MKX: variants seen among roughly 807,000 people sequenced by gnomAD.
MKX encodes mohawk homeobox.
MKX carries 13 observed loss-of-function variants against 36.0 expected under a neutral mutation model. The observed-to-expected ratio is 0.36, with a 90% CI of 0.24 to 0.57. The LOEUF (loss-of-function observed/expected upper bound fraction) is 0.57. Ranked by LOEUF, MKX falls within the 20% of genes least tolerant of loss-of-function variation. MKX has a pLI of 0.79. For synonymous variants in MKX, 176 were observed against 178.3 expected (o/e 0.99, Z 0.10); for missense variants, 458 against 456.4 (o/e 1.00, Z -0.03).
Position 27,744,711 on chromosome 10 carries a change from T to TACACACACACACACACAC in MKX, c.-83+978_-83+995dup. 1 of 142,524 alleles carries TACACACACACACACACAC rather than the reference T, an allele frequency of 7.0e-6. No individual in the cohort carries two copies. The highest frequency in any genetic ancestry group is 2.1e-4 in the East Asian group (1 of 4,718). 8.8% of individuals were successfully genotyped at this position (142,524 alleles called of 1,614,324 possible). On this transcript the variant is annotated intron_variant, in intron 1 of 6. Coordinates refer to ENST00000419761, the MANE Select transcript of MKX (RefSeq NM_173576.3). The surrounding 1 kb of genome is among the most constrained non-coding windows in gnomAD (Gnocchi z 5.6). Reference sequence around the variant, plus strand: ...CTCCACTAACACACGCGCGCGCGCATACACACACACACACACACACACACA... The same window carrying TACACACACACACACACAC: ...CTCCACTAACACACGCGCGCGCGCATACACACACACACACACACACACACACACACACACACACACACA...
intron 5 of MKX, among the ~76,000 whole-genome samples, chr10:27,675,848 A>G (rs149252589): frequency 2.0e-5 from 3 of 152,342 alleles, no homozygotes; most frequent in African/African-American, 7.2e-5. Flanking sequence ...GACAAACAGC[A>G]TAAGGAAAAG....
rs565996056 is a variant in MKX at position 27,712,336 on chromosome 10, C to T, written c.838+22120G>A. ...ATACACTACCATTTAATGTCCCAAA[C>T]GCCTTATAAGGAAGGTGAAGGGGAC... On this transcript the variant is annotated intron_variant, in intron 5 of 6. Transcript: ENST00000419761. Among the ~76,000 whole-genome samples, 16 of 152,144 alleles carry T rather than the reference C, an allele frequency of 1.1e-4. 1 individual carries two copies. Among genetic ancestry groups the T allele is most frequent in the Non-Finnish European group, 1.8e-4 (12 of 68,032 alleles).
intron 3 of MKX, among the ~76,000 whole-genome samples, chr10:27,740,497 C>T (rs1270390035): frequency 6.6e-6 from 1 of 152,154 alleles, no homozygotes; most frequent in Non-Finnish European, 1.5e-5. Flanking sequence ...GACACAACTG[C>T]CCCAAGTCTT....
chr10:27,700,377 A>G (rs1296304436), intron 5 of MKX, among the ~76,000 whole-genome samples: 1 of 152,208 alleles, frequency 6.6e-6, no homozygotes, highest in Non-Finnish European at 1.5e-5. Flanking sequence ...AGAACAGAAC[A>G]TGCATATAAA....
chr10:27,715,569 T>G (rs191328444), intron 5 of MKX, among the ~76,000 whole-genome samples: 1 of 152,198 alleles, frequency 6.6e-6, no homozygotes, highest in Non-Finnish European at 1.5e-5. Context: ...GATTTAGAAA[T>G]TCTGCCTTCA....
rs1834881043 is a variant in MKX, at chr10:27,741,026, AAAC to A, written c.348+316_348+318del. Reference sequence around the variant, plus strand: ...TCTCACCCCAGACCTGCTGAATCCGAAACTCGGAGGTGGGGCCTAGCGATTCGT... The same window carrying A: ...TCTCACCCCAGACCTGCTGAATCCGATCGGAGGTGGGGCCTAGCGATTCGT... On this transcript the variant is annotated intron_variant, in intron 3 of 6. Transcript: ENST00000419761. This position sits in a 1 kb window ranked among gnomAD's most constrained non-coding sequence, Gnocchi z 5.1. 6.6e-6 allele frequency among the ~76,000 whole-genome samples: 1 copy of A among 152,188 alleles called. No individual in the cohort carries two copies. Among genetic ancestry groups the A allele is most frequent in the African/African-American group, 2.4e-5 (1 of 41,448 alleles).
chr10:27,694,527 A>AATATATATAT (rs1554770422), intron 5 of MKX, among the ~76,000 whole-genome samples: 68 of 114,332 alleles, frequency 5.9e-4, no homozygotes, highest in East Asian at 1.8e-3. Flanking sequence ...AAAAAAAAAA[A>AATATATATAT]ATATATATAT....
chr10:27,710,253 T>G (rs11015960), intron 5 of MKX, among the ~76,000 whole-genome samples: 239 of 152,330 alleles, frequency 1.6e-3, no homozygotes, highest in Non-Finnish European at 2.2e-3. Flanking sequence ...AAGCAGAGAT[T>G]CCTAGAATTG....
rs140525710 is a variant in MKX, at chr10:27,677,035, G to A, written c.839-1481C>T. 1.7e-3 allele frequency among the ~76,000 whole-genome samples: 265 copies of A among 152,264 alleles called. 1 individual carries two copies. Among genetic ancestry groups the A allele is most frequent in the African/African-American group, 6.2e-3 (256 of 41,570 alleles). On this transcript the variant is annotated intron_variant, in intron 5 of 6. Coordinates refer to ENST00000419761, the MANE Select transcript of MKX (RefSeq NM_173576.3). The stretch of plus-strand genomic sequence containing the variant: ...TAACACAAAAATTTACCTACTGAAG[G>A]GAAAGATGTAGGGTGGTAGGAGAGA...
chr10:27,679,028 G>A (rs1836204257), intron 5 of MKX, among the ~76,000 whole-genome samples: 1 of 151,982 alleles, frequency 6.6e-6, no homozygotes, highest in Non-Finnish European at 1.5e-5. Context: ...TATTCTTCAG[G>A]CAGACGGGCA....
chr10:27,689,282 A>T (rs1415280885), intron 5 of MKX, among the ~76,000 whole-genome samples: 1 of 152,212 alleles, frequency 6.6e-6, no homozygotes, highest in African/African-American at 2.4e-5. Context: ...CTCACTGTTC[A>T]TCTGCTGTAT....
chr10:27,711,491 C>CTTTT (rs1836862683), intron 5 of MKX, among the ~76,000 whole-genome samples: 1 of 42,530 alleles, frequency 2.4e-5, no homozygotes, highest in African/African-American at 1.1e-4. Context: ...TTCTCTCTCT[C>CTTTT]TCTCTTCTTT....
intron 3 of MKX, among the ~76,000 whole-genome samples, chr10:27,737,109 C>T (rs1452617867): frequency 6.6e-6 from 1 of 152,138 alleles, no homozygotes; most frequent in Non-Finnish European, 1.5e-5. Flanking sequence ...ACATAATTAA[C>T]TGGGATACAC....
rs1394457873 is a variant in MKX at position 27,744,418 on chromosome 10, T to A, written c.-82-921A>T. Among the ~76,000 whole-genome samples, 1 of 151,990 alleles carries A rather than the reference T, an allele frequency of 6.6e-6. No individual in the cohort carries two copies. The highest frequency in any genetic ancestry group is 1.5e-5 in the Non-Finnish European group (1 of 67,976). ...CAGGAGGCAGCTTGGTCGGCGCACC[T>A]CCCGGGCCACTGCTGCCACTGTCGG... On this transcript the variant is annotated intron_variant, in intron 1 of 6. Transcript: ENST00000419761. The surrounding 1 kb of genome is among the most constrained non-coding windows in gnomAD (Gnocchi z 5.6).
intron 5 of MKX, among the ~76,000 whole-genome samples, chr10:27,699,274 G>A (rs1157710839): frequency 1.3e-5 from 2 of 152,122 alleles, no homozygotes; most frequent in African/African-American, 4.8e-5. Context: ...TATTTAATAG[G>A]AGTTTTATTT....
intron 3 of MKX, among the ~76,000 whole-genome samples, chr10:27,738,958 C>T (rs1834834907): frequency 6.6e-6 from 1 of 151,888 alleles, no homozygotes; most frequent in Non-Finnish European, 1.5e-5. Context: ...CTGATAATGG[C>T]ATATATATAT....
At chr10:27,716,422 CAAAAAAAAAAAAGCAA>C (rs1408876227) in intron 5 of MKX, among the ~76,000 whole-genome samples, 11 of 45,274 alleles carry the variant, frequency 2.4e-4, no homozygotes, top group East Asian at 6.4e-4. Flanking sequence ...GACTCTGTCT[CAAAAAAAAAAAAGCAA>C]AAAAAAAAAA....
chr10:27,734,836 C>T (rs1458796079), intron 4 of MKX, 45 bp from the exon 5 acceptor site: 2 of 1,214,952 alleles, frequency 1.6e-6, no homozygotes, highest in Admixed American at 4.9e-5. Flanking sequence ...TGCATACTTT[C>T]CCCCAGCCAC....
chr10:27,744,698 A>ACG lies in MKX; in HGVS notation c.-83+1007_-83+1008dup, dbSNP rs1183774370. 3.3e-4 allele frequency: 49 copies of ACG among 146,462 alleles called. No individual in the cohort carries two copies. The highest frequency in any genetic ancestry group is 1.1e-3 in the African/African-American group (44 of 38,806). 9.1% of individuals were successfully genotyped at this position (146,462 alleles called of 1,614,324 possible). A position where few individuals can be genotyped will look rare whatever the true frequency, so the allele number is the denominator to read the frequency against. ...GCATGGGCTGCTACTCCACTAACAC[A>ACG]CGCGCGCGCGCATACACACACACAC... On this transcript the variant is annotated intron_variant, in intron 1 of 6. Transcript: ENST00000419761. This position sits in a 1 kb window ranked among gnomAD's most constrained non-coding sequence, Gnocchi z 5.6.
Sources: allele counts gnomAD v4.1 joint callset (sites outside exome capture counted in the v4.1 genomes callset), GRCh38; gene constraint gnomAD v4.1.1; non-coding constraint Gnocchi (gnomAD v3.1); transcripts MANE v1.5; gene names NCBI Gene and HGNC (gene_info 2026-07-23, HGNC 2026-07-21).